Variants in MDGA2 observed in about 807,000 individuals in gnomAD.
MDGA2 encodes the protein MAM domain containing glycosylphosphatidylinositol anchor 2.
MDGA2 carries 40 observed loss-of-function variants against 117.8 expected under a neutral mutation model. The ratio of observed to expected loss-of-function variants is 0.34; its 90% confidence interval spans 0.26 to 0.44. The LOEUF (loss-of-function observed/expected upper bound fraction) is 0.44. Ranked by LOEUF, MDGA2 falls within the 20% of genes least tolerant of loss-of-function variation. The pLI, the probability that MDGA2 is intolerant of heterozygous loss-of-function variation, is 1.00. For missense variants in MDGA2, 1,123 were observed against 1,250.6 expected, an observed-to-expected ratio of 0.90 and a Z score of 1.54; for synonymous variants, 452 against 439.0, an observed-to-expected ratio of 1.03 and a Z score of -0.37.
chr14:47,154,759 C>T (rs980862178), intron 3 of MDGA2, among the ~76,000 whole-genome samples: 1 of 152,142 alleles, frequency 6.6e-6, no homozygotes, highest in Non-Finnish European at 1.5e-5. Flanking sequence ...CACTCGGCAC[C>T]GGCCTGCAGG....
intron 8 of MDGA2, among the ~76,000 whole-genome samples, chr14:47,011,524 T>C (rs1326177813): frequency 6.6e-6 from 1 of 152,024 alleles, no homozygotes; most frequent in Non-Finnish European, 1.5e-5. Flanking sequence ...CATCAAAACA[T>C]GTTTCAAAGC....
At chr14:46,928,573 CAT>C (rs1884419490) in intron 9 of MDGA2, among the ~76,000 whole-genome samples, 1 of 152,124 alleles carries the variant, frequency 6.6e-6, no homozygotes, top group Admixed American at 6.6e-5. Flanking sequence ...GAACTTTCCA[CAT>C]GATTTCACTT....
rs570300490 is a variant in MDGA2, at chr14:46,901,498, G to A, written c.2238+18514C>T. Among the ~76,000 whole-genome samples the A allele has an allele frequency of 5.9e-5, 9 of 151,992 alleles. 1 individual carries two copies. Among genetic ancestry groups the A allele is most frequent in the African/African-American group, 1.9e-4 (8 of 41,466 alleles). ...AATATTTTCAAACTATTAAAGGAGAGGAAAATCAAACCTATTCAGCTAAAG... is the reference window on the plus strand; with the variant it reads ...AATATTTTCAAACTATTAAAGGAGAAGAAAATCAAACCTATTCAGCTAAAG... On this transcript the variant is annotated intron_variant, in intron 10 of 16. Transcript: ENST00000399232.
chr14:46,879,829 CTTAT>C (rs1882373991), intron 11 of MDGA2, among the ~76,000 whole-genome samples: 1 of 152,078 alleles, frequency 6.6e-6, no homozygotes, highest in Admixed American at 6.6e-5. Flanking sequence ...CATTATACAT[CTTAT>C]TTATTTGGTA....
At chr14:47,447,410 G>C (rs573343826) in intron 1 of MDGA2, among the ~76,000 whole-genome samples, 1 of 152,166 alleles carries the variant, frequency 6.6e-6, no homozygotes, top group Non-Finnish European at 1.5e-5. Flanking sequence ...GGCTTCCTTC[G>C]TTGCCTCAGG....
At chr14:47,171,799 A>G (rs1884150258) in intron 3 of MDGA2, among the ~76,000 whole-genome samples, 1 of 152,152 alleles carries the variant, frequency 6.6e-6, no homozygotes, top group Non-Finnish European at 1.5e-5. Flanking sequence ...TGGGCTCAGG[A>G]CAGTGGGTGC....
At chr14:47,173,694 C>G (rs1181327211) in intron 3 of MDGA2, among the ~76,000 whole-genome samples, 1 of 152,174 alleles carries the variant, frequency 6.6e-6, no homozygotes, top group African/African-American at 2.4e-5. Context: ...ACTGCAAAAT[C>G]ATGCCAAAAT....
chr14:47,494,367 C>T lies in MDGA2; in HGVS notation c.280+180150G>A, dbSNP rs917839812. On this transcript the variant is annotated intron_variant, in intron 1 of 16. Transcript: ENST00000399232. ...TAATCACCATAGTTTGGCTGCTATC[C>T]TACTATTTTAAAATTAAGGCTAACA... Among the ~76,000 whole-genome samples the T allele has an allele frequency of 2.0e-5, 3 of 152,148 alleles. No individual in the cohort carries two copies. The South Asian group carries it at 6.2e-4, about 31-fold the overall frequency.
chr14:47,400,951 G>T (rs540504011), intron 1 of MDGA2, among the ~76,000 whole-genome samples: 1 of 150,654 alleles, frequency 6.6e-6, no homozygotes, highest in Admixed American at 6.6e-5. Context: ...TAGAGACGGG[G>T]TTTCACCGTG....
At chr14:47,503,063 T>C (rs541573116) in intron 1 of MDGA2, among the ~76,000 whole-genome samples, 64 of 152,350 alleles carry the variant, frequency 4.2e-4, no homozygotes, top group African/African-American at 1.4e-3. Flanking sequence ...AATGCCCCGT[T>C]TAACATTTAA....
At chr14:47,027,007 TA>T (rs1358039092) in intron 8 of MDGA2, among the ~76,000 whole-genome samples, 1 of 151,190 alleles carries the variant, frequency 6.6e-6, no homozygotes, top group Non-Finnish European at 1.5e-5. Flanking sequence ...CTCTGTCTCT[TA>T]AAAAAAATGT....
chr14:47,521,449 C>T (rs1033742074), intron 1 of MDGA2, among the ~76,000 whole-genome samples: 2 of 151,950 alleles, frequency 1.3e-5, no homozygotes, highest in Non-Finnish European at 2.9e-5. Context: ...AACAAACAAA[C>T]AAATAAACAG....
chr14:47,115,590 A>T (rs940391823), intron 5 of MDGA2, among the ~76,000 whole-genome samples: 2 of 152,100 alleles, frequency 1.3e-5, no homozygotes, highest in African/African-American at 4.8e-5. Context: ...AAAGAAAAAG[A>T]TTCAGAGCAT....
At chr14:47,535,223 A>G (rs543454692) in intron 1 of MDGA2, among the ~76,000 whole-genome samples, 5 of 152,196 alleles carry the variant, frequency 3.3e-5, no homozygotes, top group Non-Finnish European at 7.4e-5. Flanking sequence ...TAACAGGACA[A>G]TTACTTGCTT....
At chr14:47,638,894 C>CAAA (rs1594956810) in intron 1 of MDGA2, among the ~76,000 whole-genome samples, 1 of 152,188 alleles carries the variant, frequency 6.6e-6, no homozygotes, top group East Asian at 1.9e-4. Context: ...GGTTACCTCT[C>CAAA]TGGTCTCACC....
intron 1 of MDGA2, among the ~76,000 whole-genome samples, chr14:47,459,745 C>A (rs1199788007): frequency 6.6e-6 from 1 of 152,122 alleles, no homozygotes; most frequent in East Asian, 1.9e-4. Flanking sequence ...TTCTCTGTCT[C>A]AAACACTATT....
At chr14:47,380,035 G>C (rs977588024) in intron 1 of MDGA2, among the ~76,000 whole-genome samples, 36 of 152,136 alleles carry the variant, frequency 2.4e-4, no homozygotes, top group African/African-American at 8.7e-4. Flanking sequence ...TCAGACCACA[G>C]TGCAATCAAA....
chr14:47,024,196 G>A (rs1228780079), intron 8 of MDGA2, among the ~76,000 whole-genome samples: 2 of 152,148 alleles, frequency 1.3e-5, no homozygotes, highest in Non-Finnish European at 2.9e-5. Flanking sequence ...GTATATCTGT[G>A]ATTGAATGAT....
intron 7 of MDGA2, among the ~76,000 whole-genome samples, 161 bp downstream of exon 7, chr14:47,061,088 G>A (rs533642320): frequency 1.3e-5 from 2 of 152,014 alleles, no homozygotes; most frequent in South Asian, 4.1e-4. Context: ...ATAAAACAGT[G>A]TTTCAGAACC....
Sources: allele counts gnomAD v4.1 joint callset (sites outside exome capture counted in the v4.1 genomes callset), GRCh38; gene constraint gnomAD v4.1.1; transcripts MANE v1.5; gene names NCBI Gene and HGNC (gene_info 2026-07-23, HGNC 2026-07-21).